GPR173: variants seen among roughly 807,000 people sequenced by gnomAD.
GPR173 encodes the protein probable G protein-coupled receptor 173.
Under a neutral mutation model 13.9 loss-of-function variants are expected in GPR173, and 2 were observed. The ratio of observed to expected loss-of-function variants is 0.14; its 90% CI spans 0.06 to 0.45. The LOEUF is 0.45. Among genes scored for constraint, GPR173 ranks in the 20% least tolerant of loss-of-function variants. The probability of loss-of-function intolerance (pLI) is 0.98; values close to 1 mark genes in which losing one functional copy is unlikely to be tolerated. For missense variants in GPR173, 202 were observed against 340.5 expected (o/e 0.59, Z 3.20); for synonymous variants, 131 against 141.0 (o/e 0.93, Z 0.50).
rs1353620675 is a variant in GPR173, at chrX:53,057,318, G to A, written c.-98+7834G>A. On this transcript the variant is annotated intron_variant, in intron 1 of 1. Coordinates refer to ENST00000332582, the MANE Select transcript of GPR173 (RefSeq NM_018969.6). ...TGTAATCCCAGCTACTCGGGAGGCT[G>A]AGGCAGGAGAATCACTTGAACCCGG... is the stretch of plus-strand genomic sequence containing the variant. 4.6e-5 allele frequency among the ~76,000 whole-genome samples: 5 copies of A among 108,398 alleles called. No individual in the cohort carries two copies. In the South Asian group the frequency reaches 1.6e-3, roughly 35 times the overall value. The allele number at this position is 108,398 out of a possible 115,157, so 94.1% of individuals were successfully genotyped here. A position where few individuals can be genotyped will look rare whatever the true frequency, so the allele number is the denominator to read the frequency against.
intron 1 of GPR173, among the ~76,000 whole-genome samples, chrX:53,063,931 C>G (rs1270062524): frequency 9.0e-6 from 1 of 111,443 alleles, no homozygotes; most frequent in East Asian, 2.8e-4. Flanking sequence ...TTAGGGATTA[C>G]TTAAGTGGTC....
intron 1 of GPR173, among the ~76,000 whole-genome samples, chrX:53,055,889 A>AGTGTGT (rs112784276): frequency 3.4e-4 from 33 of 97,521 alleles, no homozygotes; most frequent in African/African-American, 1.1e-3. Context: ...CTGTATTTGG[A>AGTGTGT]GTGTGTGTGT....
rs1932522985 is a variant in GPR173 at position 53,080,564 on chromosome X, T to C, written c.*2821T>C. 1 of 122,786 alleles carries C rather than the reference T, an allele frequency of 8.1e-6. No homozygotes were observed. The highest frequency in any genetic ancestry group is 2.8e-4 in the East Asian group (1 of 3,596). 10.1% of individuals were successfully genotyped at this position (122,786 alleles called of 1,213,427 possible). On this transcript the variant is annotated 3_prime_UTR_variant, in exon 2 of 2. Transcript: ENST00000332582. ...TACATATATGTGTATCTGTGAAAAA[T>C]GTATGGTATTGCTGTGTGTTTTAAT... is the stretch of plus-strand genomic sequence containing the variant.
intron 1 of GPR173, among the ~76,000 whole-genome samples, chrX:53,063,311 A>G (rs1556803981): frequency 9.0e-6 from 1 of 110,622 alleles, no homozygotes; most frequent in Non-Finnish European, 1.9e-5. Context: ...GAGCCACAGC[A>G]GGGGCAGCCA....
chrX:53,077,594 G>A lies in GPR173; in HGVS notation c.973G>A (p.Ala325Thr). The A allele has an allele frequency of 8.3e-7, 1 of 1,211,862 alleles. No homozygotes were observed. The highest frequency in any genetic ancestry group is 1.1e-6 in the Non-Finnish European group (1 of 895,391). Reference sequence around the variant, plus strand: ...TGTGCCCCACCGCTACCTGGCCACTGCTGTTTGGATGAGCTTCGCCCAGGC... The same window carrying A: ...TGTGCCCCACCGCTACCTGGCCACTACTGTTTGGATGAGCTTCGCCCAGGC... Reference protein sequence around the residue: ...CAVPHRYLATAVWMSFAQAAV... With the variant: ...CAVPHRYLATTVWMSFAQAAV... The change falls in exon 2 of 2, where the codon GCT (alanine) becomes ACT (threonine). Residue 325 changes from alanine to threonine, a missense_variant. By Grantham distance (58) the Ala-to-Thr change is moderately conservative. This residue lies in a region of GPR173 where 76 missense variants were observed against 116.3 expected (regional missense o/e 0.65). Coordinates refer to ENST00000332582, the MANE Select transcript of GPR173 (RefSeq NM_018969.6).
chrX:53,073,260 G>A (rs186955825), intron 1 of GPR173, among the ~76,000 whole-genome samples: 18 of 108,790 alleles, frequency 1.7e-4, no homozygotes, highest in Admixed American at 1.1e-3. Context: ...GGTGGCTGTG[G>A]CAGGCCAGGC....
intron 1 of GPR173, among the ~76,000 whole-genome samples, chrX:53,055,837 G>A (rs184371231): frequency 2.3e-3 from 253 of 109,828 alleles, no homozygotes; most frequent in African/African-American, 8.2e-3. Flanking sequence ...GGCTGTGAGA[G>A]TGGGGCTGTA....
chrX:53,074,993 C>G (rs781838046), intron 1 of GPR173, among the ~76,000 whole-genome samples: 1 of 103,570 alleles, frequency 9.7e-6, no homozygotes, highest in South Asian at 4.3e-4. Flanking sequence ...CTAGATCATA[C>G]CACATCTGGC....
At position 53,080,018 on chromosome X, in the gene GPR173, A is replaced by C. The variant is rs782243902; in HGVS notation, c.*2275A>C. On this transcript the variant is annotated 3_prime_UTR_variant, in exon 2 of 2. Coordinates refer to ENST00000332582, the MANE Select transcript of GPR173 (RefSeq NM_018969.6). ...TGTAGCCCCATCTCAACCCCGTCTC[A>C]GTCTCCTTCCCAAACTCAAACAAGG... 2 of 122,949 alleles carry C rather than the reference A, an allele frequency of 1.6e-5. No individual in the cohort carries two copies. Among genetic ancestry groups the C allele is most frequent in the East Asian group, 5.6e-4 (2 of 3,555 alleles). 10.1% of individuals were successfully genotyped at this position (122,949 alleles called of 1,213,427 possible). A position where few individuals can be genotyped will look rare whatever the true frequency, so the allele number is the denominator to read the frequency against.
In GPR173 at chrX:53,079,186, G is replaced by C. The variant is rs1932491937; in HGVS notation, c.*1443G>C. On this transcript the variant is annotated 3_prime_UTR_variant, in exon 2 of 2. Transcript: ENST00000332582. Reference sequence around the variant, plus strand: ...CTCACTTCCTGTGGGGCCGGAATCTGTATTTATCCATCCCCCTTTCCCTTC... The same window carrying C: ...CTCACTTCCTGTGGGGCCGGAATCTCTATTTATCCATCCCCCTTTCCCTTC... 8.1e-6 allele frequency: 1 copy of C among 122,788 alleles called. No individual in the cohort carries two copies. Among genetic ancestry groups the C allele is most frequent in the Non-Finnish European group, 1.9e-5 (1 of 53,130 alleles). The allele number at this position is 122,788 out of a possible 1,213,427, so 10.1% of individuals were successfully genotyped here.
chrX:53,067,853 C>A (rs782480006), intron 1 of GPR173, among the ~76,000 whole-genome samples: 1 of 109,392 alleles, frequency 9.1e-6, no homozygotes, highest in South Asian at 3.8e-4. Flanking sequence ...AAGCAGCACT[C>A]TGAAACAAAG....
intron 1 of GPR173, among the ~76,000 whole-genome samples, chrX:53,058,226 G>A (rs782581465): frequency 1.8e-5 from 2 of 112,289 alleles, no homozygotes; most frequent in Non-Finnish European, 1.9e-5. Flanking sequence ...GAGTGTGGGT[G>A]TGACCTGCAC....
rs1266541698 is a variant in GPR173, at chrX:53,077,029, A to G, written c.408A>G (p.Thr136=). 4 of 1,206,933 alleles carry G rather than the reference A, an allele frequency of 3.3e-6. No individual in the cohort carries two copies. The highest frequency in any genetic ancestry group is 4.4e-5 in the Admixed American group (2 of 45,891). Residue 136 remains threonine (T), a synonymous_variant, in exon 2 of 2, where the codon ACA becomes ACG. Transcript: ENST00000332582. ...ACCGCTTCTACGCCAAGCGCATGACACTCTGGACATGCGCGGCTGTCATCT... is the reference window on the plus strand; with the variant it reads ...ACCGCTTCTACGCCAAGCGCATGACGCTCTGGACATGCGCGGCTGTCATCT... ...AHHRFYAKRM[T]LWTCAAVICM...
At position 53,078,542 on chromosome X, in the gene GPR173, C is replaced by T. The variant is rs1223008994; in HGVS notation, c.*799C>T. 1 of 122,435 alleles carries T rather than the reference C, an allele frequency of 8.2e-6. No homozygotes were observed. Among genetic ancestry groups the T allele is most frequent in the Non-Finnish European group, 1.9e-5 (1 of 53,148 alleles). 10.1% of individuals were successfully genotyped at this position (122,435 alleles called of 1,213,427 possible). On this transcript the variant is annotated 3_prime_UTR_variant, in exon 2 of 2. Coordinates refer to ENST00000332582, the MANE Select transcript of GPR173 (RefSeq NM_018969.6). ...GAACTCCTCGAACTGAAGAGACCCA[C>T]ACTTGGTCACATTCTCTCACGCTGC...
In GPR173 at chrX:53,077,872, C is replaced by A; in HGVS notation, c.*129C>A. Reference sequence around the variant, plus strand: ...CTCCAGCCCCAGCCCCTCGAACCACCTGTAATCTAGGCACCTTTGCCAACA... The same window carrying A: ...CTCCAGCCCCAGCCCCTCGAACCACATGTAATCTAGGCACCTTTGCCAACA... On this transcript the variant is annotated 3_prime_UTR_variant, in exon 2 of 2. Transcript: ENST00000332582. The A allele has an allele frequency of 1.9e-6, 1 of 520,766 alleles. No homozygotes were observed. The highest frequency in any genetic ancestry group is 3.6e-5 in the East Asian group (1 of 27,634). The allele number at this position is 520,766 out of a possible 1,213,427, so 42.9% of individuals were successfully genotyped here.
At chrX:53,050,098 C>T (rs1197659010) in intron 1 of GPR173, among the ~76,000 whole-genome samples, 1 of 111,022 alleles carries the variant, frequency 9.0e-6, no homozygotes, top group Non-Finnish European at 1.9e-5. Context: ...ACCTCCCCAT[C>T]TCTCCCTACA....
Position 53,076,999 on chromosome X carries a change from C to T in GPR173, c.378C>T (p.Ala126=). The part of the protein sequence containing the change: ...CISVTRYMAI[A]HHRFYAKRMT... Reference sequence around the variant, plus strand: ...GCGTCACCCGCTACATGGCCATCGCCCACCACCGCTTCTACGCCAAGCGCA... The same window carrying T: ...GCGTCACCCGCTACATGGCCATCGCTCACCACCGCTTCTACGCCAAGCGCA... The change falls in exon 2 of 2, where the codon GCC becomes GCT. Residue 126 remains alanine, a synonymous_variant. Transcript: ENST00000332582. The T allele has an allele frequency of 8.3e-7, 1 of 1,210,481 alleles. No individual in the cohort carries two copies.
intron 1 of GPR173, among the ~76,000 whole-genome samples, chrX:53,058,424 CGT>C (rs112505843): frequency 0.057 from 5,670 of 100,322 alleles, 317 homozygotes; most frequent in Admixed American, 0.23. Flanking sequence ...TCCAGGTGCA[CGT>C]GTGTGTGTGT....
At chrX:53,069,348 A>G in intron 1 of GPR173, among the ~76,000 whole-genome samples, 1 of 111,352 alleles carries the variant, frequency 9.0e-6, no homozygotes. Context: ...CCAAAACCTC[A>G]CTGATGATAA....
Sources: allele counts gnomAD v4.1 joint callset (sites outside exome capture counted in the v4.1 genomes callset), GRCh38; gene constraint gnomAD v4.1.1; regional missense constraint gnomAD v4.1.1; transcripts MANE v1.5; gene names NCBI Gene and HGNC (gene_info 2026-07-23, HGNC 2026-07-21).